The following PREP variants were observed in gnomAD, a reference collection of about 807,000 sequenced individuals.
PREP encodes the protein prolyl endopeptidase.
PREP carries 29 observed loss-of-function variants against 87.6 expected under a neutral mutation model. The observed-to-expected ratio is 0.33, with a 90% CI of 0.25 to 0.45. The LOEUF (loss-of-function observed/expected upper bound fraction) is 0.45. Ranked by LOEUF, PREP falls within the 20% of genes least tolerant of loss-of-function variation. The probability of loss-of-function intolerance (pLI) is 1.00; values close to 1 mark genes in which losing one functional copy is unlikely to be tolerated. For synonymous variants in PREP, 337 were observed against 328.6 expected, an observed-to-expected ratio of 1.03 and a Z score of -0.28; for missense variants, 695 against 886.5, an observed-to-expected ratio of 0.78 and a Z score of 2.74.
chr6:105,327,250 G>T (rs1771188124), intron 9 of PREP, among the ~76,000 whole-genome samples: 1 of 152,166 alleles, frequency 6.6e-6, no homozygotes, highest in African/African-American at 2.4e-5. Flanking sequence ...TAGAAGAAAT[G>T]ATTTTCCTCA....
chr6:105,324,102 G>A (rs560863372), intron 9 of PREP, among the ~76,000 whole-genome samples: 2 of 152,264 alleles, frequency 1.3e-5, no homozygotes, highest in South Asian at 2.1e-4. Context: ...AATTTAACTC[G>A]TCTTCCCCAA....
In PREP at chr6:105,302,599, G is replaced by A. The variant is rs181054894; in HGVS notation, c.1318-13705C>T. ...GCAGGTCCAGGGGCTTGTACCTCTT[G>A]CCCTTGTAGAATTTCCTGAGGTTTT... On this transcript the variant is annotated intron_variant, in intron 10 of 14. Transcript: ENST00000652536. The A allele has an allele frequency of 3.9e-4, 169 of 437,270 alleles. 2 individuals are homozygous for A. The highest frequency in any genetic ancestry group is 1.3e-4 in the Non-Finnish European group (29 of 222,874). The allele number at this position is 437,270 out of a possible 1,614,324, so 27.1% of individuals were successfully genotyped here.
intron 6 of PREP, among the ~76,000 whole-genome samples, chr6:105,359,093 A>G (rs1772176673): frequency 6.6e-6 from 1 of 152,214 alleles, no homozygotes; most frequent in African/African-American, 2.4e-5. Flanking sequence ...CAACCACTGC[A>G]GTCCACTATT....
chr6:105,345,935 C>T (rs986549566), intron 7 of PREP, among the ~76,000 whole-genome samples: 2 of 152,120 alleles, frequency 1.3e-5, no homozygotes, highest in African/African-American at 2.4e-5. Flanking sequence ...CCAAATAACC[C>T]CAGTGTTCAA....
At chr6:105,279,379 A>G (rs1263248558) in intron 14 of PREP, among the ~76,000 whole-genome samples, 1 of 152,194 alleles carries the variant, frequency 6.6e-6, no homozygotes, top group African/African-American at 2.4e-5. Context: ...ATCTCATTTA[A>G]GAGTGTCTTT....
At chr6:105,319,348 T>C (rs1328131929) in intron 10 of PREP, among the ~76,000 whole-genome samples, 1 of 152,244 alleles carries the variant, frequency 6.6e-6, no homozygotes, top group Non-Finnish European at 1.5e-5. Flanking sequence ...TTTTATAAAA[T>C]GTAGATGCTT....
At chr6:105,365,375 C>A (rs1732455028) in intron 6 of PREP, among the ~76,000 whole-genome samples, 1 of 152,184 alleles carries the variant, frequency 6.6e-6, no homozygotes, top group Non-Finnish European at 1.5e-5. Context: ...TTCTACAGTG[C>A]ACCTGCTTCT....
Position 105,373,508 on chromosome 6 carries a change from T to C in PREP, c.456A>G (p.Thr152=). 1 of 1,614,226 alleles carries C rather than the reference T, an allele frequency of 6.2e-7. No homozygotes were observed. The part of the protein sequence containing the change: ...GLSASGSDWV[T]IKFMKVDGAK... The stretch of plus-strand genomic sequence containing the variant: ...CACCATCAACTTTCATGAACTTGAT[T>C]GTCACCCAGTCTGAGCCACTGGCAC... Residue 152 remains threonine, a synonymous_variant, in exon 5 of 15, where the codon ACA becomes ACG. Coordinates refer to ENST00000652536, the MANE Select transcript of PREP (RefSeq NM_002726.5).
chr6:105,402,705 A>G, intron 1 of PREP, 142 bp downstream of exon 1: 1 of 734,780 alleles, frequency 1.4e-6, no homozygotes. Flanking sequence ...CCCCCGGCCC[A>G]ATTCTCCCAA....
At chr6:105,308,396 A>C (rs1770694293) in intron 10 of PREP, among the ~76,000 whole-genome samples, 1 of 152,242 alleles carries the variant, frequency 6.6e-6, no homozygotes, top group South Asian at 2.1e-4. Flanking sequence ...GCAACAACCT[A>C]GAGTTGGAGG....
At chr6:105,356,049 T>C (rs1363588427) in intron 6 of PREP, among the ~76,000 whole-genome samples, 1 of 152,234 alleles carries the variant, frequency 6.6e-6, no homozygotes, top group Admixed American at 6.5e-5. Context: ...GATCTGTTTC[T>C]ATTGACTATT....
rs1355527397 is a variant in PREP, at chr6:105,278,359, G to A, written c.1918C>T (p.His640Tyr). 1 of 1,614,188 alleles carries A rather than the reference G, an allele frequency of 6.2e-7. No homozygotes were observed. Among genetic ancestry groups the A allele is most frequent in the Non-Finnish European group, 8.5e-7 (1 of 1,180,006 alleles). Residue 640 changes from histidine (H) to tyrosine (Y), a missense_variant, in exon 15 of 15, where the codon CAT becomes TAT. Physicochemically the swap from His to Tyr is moderately conservative, Grantham distance 83. Coordinates refer to ENST00000652536, the MANE Select transcript of PREP (RefSeq NM_002726.5). This position sits in a 1 kb window ranked among gnomAD's most constrained non-coding sequence, Gnocchi z 4.2. ...YPSMLLLTAD[H>Y]DDRVVPLHSL... is the part of the protein sequence containing the mutation. ...TGAAGCGGGACCACGCGGTCATCATGGTCAGCAGTGAGGAGCAGCATGGAC... is the reference window on the plus strand; with the variant it reads ...TGAAGCGGGACCACGCGGTCATCATAGTCAGCAGTGAGGAGCAGCATGGAC...
chr6:105,343,578 C>A (rs1445469509), intron 7 of PREP, among the ~76,000 whole-genome samples: 1 of 152,158 alleles, frequency 6.6e-6, no homozygotes. Context: ...ACTACCATCA[C>A]AGTGAACAGG....
At chr6:105,306,318 A>G (rs537585060) in intron 10 of PREP, among the ~76,000 whole-genome samples, 5 of 152,298 alleles carry the variant, frequency 3.3e-5, no homozygotes, top group African/African-American at 1.2e-4. Context: ...GGGTGCATAC[A>G]CAAAGGCTGG....
chr6:105,323,267 A>G (rs931910013), intron 10 of PREP, among the ~76,000 whole-genome samples: 1 of 152,184 alleles, frequency 6.6e-6, no homozygotes, highest in Admixed American at 6.5e-5. Flanking sequence ...CAGACTAAAA[A>G]CACTGACTCA....
At position 105,341,067 on chromosome 6, in the gene PREP, C is replaced by T. The variant is rs1583067149; in HGVS notation, c.824-7562G>A. Among the ~76,000 whole-genome samples the T allele has an allele frequency of 3.9e-5, 6 of 152,158 alleles. No homozygotes were observed. The South Asian group carries it at 8.3e-4, about 21-fold the overall frequency. On this transcript the variant is annotated intron_variant, in intron 7 of 14. Transcript: ENST00000652536. ...AATAGACATCTACAGAACTCTCCACCCCAAATCAACAGAATATAAATTCTT... is the reference window on the plus strand; with the variant it reads ...AATAGACATCTACAGAACTCTCCACTCCAAATCAACAGAATATAAATTCTT...
At chr6:105,349,562 A>G (rs1331788416) in intron 7 of PREP, among the ~76,000 whole-genome samples, 3 of 152,172 alleles carry the variant, frequency 2.0e-5, no homozygotes, top group Admixed American at 1.3e-4. Flanking sequence ...ACGTGACATG[A>G]GCCACCCAAG....
At chr6:105,326,682 T>G (rs1771168109) in intron 9 of PREP, among the ~76,000 whole-genome samples, 1 of 152,226 alleles carries the variant, frequency 6.6e-6, no homozygotes, top group Non-Finnish European at 1.5e-5. Context: ...CATGCTTTCA[T>G]GAGATCTAAT....
At chr6:105,399,614 G>C (rs994706846) in intron 1 of PREP, among the ~76,000 whole-genome samples, 2 of 152,198 alleles carry the variant, frequency 1.3e-5, no homozygotes, top group Non-Finnish European at 2.9e-5. Context: ...AATTTTAGCA[G>C]ATTGTCACCA....
Sources: allele counts gnomAD v4.1 joint callset (sites outside exome capture counted in the v4.1 genomes callset), GRCh38; gene constraint gnomAD v4.1.1; non-coding constraint Gnocchi (gnomAD v3.1); transcripts MANE v1.5; gene names NCBI Gene and HGNC (gene_info 2026-07-23, HGNC 2026-07-21).